Variants in PRUNE2 observed in about 807,000 individuals in gnomAD.
PRUNE2 encodes prune homolog 2 with BCH domain.
Under a neutral mutation model 252.0 loss-of-function variants are expected in PRUNE2, and 164 were observed. The observed-to-expected ratio is 0.65, with a 90% CI of 0.57 to 0.74. PRUNE2 has a LOEUF of 0.74. Ranked by LOEUF, PRUNE2 falls within the 30% of genes least tolerant of loss-of-function variation. The pLI, the probability that PRUNE2 is intolerant of heterozygous loss-of-function variation, is 0.00. For synonymous variants in PRUNE2, 1,292 were observed against 1,350.2 expected, an observed-to-expected ratio of 0.96 and a Z score of 0.94; for missense variants, 3,495 against 3,711.0, an observed-to-expected ratio of 0.94 and a Z score of 1.51.
chr9:76,764,478 CA>C (rs1286792305), intron 6 of PRUNE2: 1 of 152,152 alleles, frequency 6.6e-6, no homozygotes, highest in Non-Finnish European at 1.5e-5. Context: ...ATCAGAAAAA[CA>C]GAGGGGAGAT....
At chr9:76,700,690 G>T (rs981382429) in intron 9 of PRUNE2, among the ~76,000 whole-genome samples, 5 of 152,124 alleles carry the variant, frequency 3.3e-5, no homozygotes, top group African/African-American at 1.2e-4. Flanking sequence ...GACTATAAAA[G>T]AAAATATTCT....
chr9:76,694,777 A>G (rs1243110424), intron 9 of PRUNE2, among the ~76,000 whole-genome samples: 4 of 152,238 alleles, frequency 2.6e-5, no homozygotes, highest in Non-Finnish European at 5.9e-5. Context: ...TTTTTTTTAA[A>G]TAAGAATTAC....
intron 6 of PRUNE2, among the ~76,000 whole-genome samples, chr9:76,800,185 T>C (rs566811630): frequency 6.6e-6 from 1 of 152,324 alleles, no homozygotes; most frequent in African/African-American, 2.4e-5. Flanking sequence ...TTTCTCCTAA[T>C]GCTATCCCTC....
At chr9:76,858,650 C>A (rs1001688246) in intron 1 of PRUNE2, among the ~76,000 whole-genome samples, 4 of 151,514 alleles carry the variant, frequency 2.6e-5, no homozygotes, top group African/African-American at 7.3e-5. Context: ...GGAGAAATAC[C>A]TAATGTAGAT....
chr9:76,841,376 C>T (rs1384669179), intron 4 of PRUNE2, among the ~76,000 whole-genome samples: 2 of 152,200 alleles, frequency 1.3e-5, no homozygotes, highest in Non-Finnish European at 2.9e-5. Flanking sequence ...GTTTCAAGTG[C>T]AAAACTGAGT....
At chr9:76,754,885 G>A (rs2050967409) in intron 6 of PRUNE2, among the ~76,000 whole-genome samples, 1 of 142,222 alleles carries the variant, frequency 7.0e-6, no homozygotes, top group Non-Finnish European at 1.5e-5. Flanking sequence ...AGAATCGCTT[G>A]AACCCGGGAG....
chr9:76,744,547 C>A (rs1297775201), intron 6 of PRUNE2, among the ~76,000 whole-genome samples: 2 of 152,180 alleles, frequency 1.3e-5, no homozygotes, highest in African/African-American at 4.8e-5. Context: ...ACCCACACAC[C>A]CTTCCTACTC....
At position 76,707,223 on chromosome 9, in the gene PRUNE2, C is replaced by G. The variant is rs373685991; in HGVS notation, c.5051G>C (p.Ser1684Thr). 4.3e-6 allele frequency: 7 copies of G among 1,613,966 alleles called. No homozygotes were observed. The highest frequency in any genetic ancestry group is 1.3e-5 in the African/African-American group (1 of 75,030). ...GACACTGTCATCATCAGAACCTGAG[C>G]TTGTTGAAATGACCCTGGCATCCTC... is the stretch of plus-strand genomic sequence containing the variant. ...QPEDARVIST[S>T]SGSDDDSVGG... The change falls in exon 8 of 19, where the codon AGC becomes ACC. Residue 1684 changes from serine to threonine, a missense_variant. By Grantham distance (58) the Ser-to-Thr change is moderately conservative. Transcript: ENST00000376718.
At chr9:76,857,471 C>A (rs960873544) in intron 1 of PRUNE2, among the ~76,000 whole-genome samples, 3 of 152,062 alleles carry the variant, frequency 2.0e-5, no homozygotes, top group African/African-American at 4.8e-5. Context: ...CCAGAAGGTA[C>A]CTTTTGTGCC....
At chr9:76,735,787 T>C (rs558752285) in intron 6 of PRUNE2, among the ~76,000 whole-genome samples, 2 of 152,314 alleles carry the variant, frequency 1.3e-5, no homozygotes, top group African/African-American at 2.4e-5. Context: ...CTTTAGCTGG[T>C]AGTAAGATAA....
chr9:76,890,318 T>G (rs1000049612), intron 1 of PRUNE2, among the ~76,000 whole-genome samples: 2 of 151,498 alleles, frequency 1.3e-5, no homozygotes, highest in Non-Finnish European at 2.9e-5. Flanking sequence ...GAAGGGGGAG[T>G]GATAAGGATA....
chr9:76,713,125 A>G (rs932416025), intron 7 of PRUNE2, among the ~76,000 whole-genome samples: 1 of 151,898 alleles, frequency 6.6e-6, no homozygotes, highest in Admixed American at 6.6e-5. Context: ...TCAGCTATCA[A>G]CCTGGAGGAT....
chr9:76,849,820 T>C (rs1189453731), intron 3 of PRUNE2, among the ~76,000 whole-genome samples: 4 of 146,470 alleles, frequency 2.7e-5, no homozygotes, highest in Non-Finnish European at 5.9e-5. Context: ...ATCGAGACTC[T>C]GTCTCAAAAA....
chr9:76,887,001 C>T (rs898050219), intron 1 of PRUNE2, among the ~76,000 whole-genome samples: 5 of 152,164 alleles, frequency 3.3e-5, no homozygotes, highest in Non-Finnish European at 5.9e-5. Context: ...AGTCTAAGAG[C>T]TTTACATATG....
At chr9:76,620,083 T>C (rs1233967918) in intron 17 of PRUNE2, among the ~76,000 whole-genome samples, 1 of 152,184 alleles carries the variant, frequency 6.6e-6, no homozygotes, top group African/African-American at 2.4e-5. Context: ...TCAAATTTGC[T>C]TCCTATTAAT....
chr9:76,850,545 A>G lies in PRUNE2; in HGVS notation c.262T>C (p.Phe88Leu). The G allele has an allele frequency of 6.2e-7, 1 of 1,613,574 alleles. No homozygotes were observed. The highest frequency in any genetic ancestry group is 8.5e-7 in the Non-Finnish European group (1 of 1,179,528). The change falls in exon 3 of 19, where the codon TTC becomes CTC. Residue 88 changes from phenylalanine (F) to leucine (L), a missense_variant. Coordinates refer to ENST00000376718, the MANE Select transcript of PRUNE2 (RefSeq NM_015225.3). ...TGATGCAGGTTAATTTCATCCCGGA[A>G]TATGTGGAATGATTCGGAAATATTT... ...ELNISESFHIFRDEINLHQLN... is the reference protein window; with the variant it reads ...ELNISESFHILRDEINLHQLN...
chr9:76,881,490 G>A (rs1274663400), intron 1 of PRUNE2, among the ~76,000 whole-genome samples: 2 of 151,954 alleles, frequency 1.3e-5, no homozygotes, highest in Non-Finnish European at 2.9e-5. Flanking sequence ...CACAATATTG[G>A]ACAACTACCA....
At chr9:76,637,774 T>C (rs557659052) in intron 13 of PRUNE2, among the ~76,000 whole-genome samples, 1 of 152,182 alleles carries the variant, frequency 6.6e-6, no homozygotes, top group Non-Finnish European at 1.5e-5. Flanking sequence ...GAAAAATGTA[T>C]GGGTTAGAAA....
At chr9:76,749,925 G>C (rs544305685) in intron 6 of PRUNE2, among the ~76,000 whole-genome samples, 312 of 152,278 alleles carry the variant, frequency 2.0e-3, no homozygotes, top group Non-Finnish European at 2.8e-3. Context: ...TCTGACCCTG[G>C]TTCCTGACAC....
Sources: gnomAD v4.1 joint callset for allele counts (sites outside exome capture counted in the v4.1 genomes callset) on GRCh38, gnomAD v4.1.1 for gene constraint, MANE v1.5 for transcripts, NCBI Gene and HGNC (gene_info 2026-07-23, HGNC 2026-07-21) for gene names.